ACTL6A: variants seen among roughly 807,000 people sequenced by gnomAD.
ACTL6A encodes the protein actin like 6A, also known as actin-like protein 6A.
A neutral mutation model predicts 59.2 loss-of-function variants in ACTL6A; 5 were observed. The observed-to-expected ratio is 0.08, with a 90% CI of 0.04 to 0.18. The LOEUF is 0.18. Among genes scored for constraint, ACTL6A ranks in the 10% least tolerant of loss-of-function variants. The pLI is 1.00. For synonymous variants in ACTL6A, 154 were observed against 171.8 expected, an observed-to-expected ratio of 0.90 and a Z score of 0.81; for missense variants, 285 against 526.9, an observed-to-expected ratio of 0.54 and a Z score of 4.49.
intron 8 of ACTL6A, among the ~76,000 whole-genome samples, chr3:179,580,085 G>C (rs1278455590): frequency 6.6e-6 from 1 of 152,104 alleles, no homozygotes; most frequent in Non-Finnish European, 1.5e-5. Flanking sequence ...GACAGTTTTT[G>C]CACCTAAAGA....
chr3:179,580,898 G>T lies in ACTL6A; in HGVS notation c.835G>T (p.Ala279Ser). ...TACGGTTTAATATGTTTTCAGAGTG[G>T]CTGCACAGATGCCAACTGTTCATTA... ...VSDSTYDEQV[A>S]AQMPTVHYEF... Residue 279 changes from alanine to serine, a missense_variant, in exon 10 of 14, where the codon GCT (alanine) becomes TCT (serine). Transcript: ENST00000429709. The T allele has an allele frequency of 6.3e-7, 1 of 1,586,450 alleles. No homozygotes were observed. The highest frequency in any genetic ancestry group is 8.5e-7 in the Non-Finnish European group (1 of 1,173,370).
rs1451440654 is a variant in ACTL6A, at chr3:179,563,002, A to G, written c.-91A>G. 67 of 1,536,338 alleles carry G rather than the reference A, an allele frequency of 4.4e-5. No homozygotes were observed. Among genetic ancestry groups the G allele is most frequent in the East Asian group, 1.4e-4 (6 of 42,754 alleles). On this transcript the variant is annotated 5_prime_UTR_variant, in exon 1 of 14. Transcript: ENST00000429709. ...GGTGGCGGTGGAAGTTAAGGGAGTCAGGGGCTATCGCTCCTCGAGACTCGC... is the reference window on the plus strand; with the variant it reads ...GGTGGCGGTGGAAGTTAAGGGAGTCGGGGGCTATCGCTCCTCGAGACTCGC...
At chr3:179,571,308 C>T (rs969786251) in intron 3 of ACTL6A, among the ~76,000 whole-genome samples, 2 of 151,768 alleles carry the variant, frequency 1.3e-5, no homozygotes, top group Non-Finnish European at 2.9e-5. Context: ...ACCTGTAATT[C>T]CAGCTACTTG....
At chr3:179,583,266 G>T (rs1718387544) in intron 11 of ACTL6A, 87 bp from the exon 12 acceptor site, 1 of 1,026,548 alleles carries the variant, frequency 9.7e-7, no homozygotes, top group Non-Finnish European at 1.5e-6. Context: ...GGAAATTGTA[G>T]TAGAGCACAT....
rs796115920 is a variant in ACTL6A, at chr3:179,570,473, G to A, written c.277+232G>A. The A allele has an allele frequency of 4.9e-5, 20 of 404,224 alleles. No homozygotes were observed. The highest frequency in any genetic ancestry group is 4.1e-4 in the African/African-American group (20 of 48,582). The allele number at this position is 404,224 out of a possible 1,614,324, so 25.0% of individuals were successfully genotyped here. On this transcript the variant is annotated intron_variant, in intron 3 of 13. Transcript: ENST00000429709. This position sits in a 1 kb window ranked among gnomAD's most constrained non-coding sequence, Gnocchi z 4.3. ...AATAGATGTATATATACAAATAATG[G>A]TACACTGTGGGATAAGTGGTACAAT...
intron 1 of ACTL6A, 100 bp downstream of exon 1, chr3:179,563,217 T>C: frequency 6.7e-7 from 1 of 1,486,858 alleles, no homozygotes. Flanking sequence ...CCTTCCGGTC[T>C]CCCCCTCTCG....
intron 1 of ACTL6A, among the ~76,000 whole-genome samples, chr3:179,563,552 A>G (rs1162226142): frequency 6.6e-6 from 1 of 152,168 alleles, no homozygotes; most frequent in Non-Finnish European, 1.5e-5. Flanking sequence ...GCGGTTTGCA[A>G]GCGTGGACGG....
At chr3:179,564,648 A>G (rs1425492365) in intron 1 of ACTL6A, among the ~76,000 whole-genome samples, 1 of 152,224 alleles carries the variant, frequency 6.6e-6, no homozygotes, top group Non-Finnish European at 1.5e-5. Context: ...TCTTAAATTA[A>G]AATTCCACCA....
chr3:179,575,392 T>A (rs1333892575), intron 5 of ACTL6A: 1 of 456,736 alleles, frequency 2.2e-6, no homozygotes, highest in South Asian at 1.5e-5. Context: ...CCTGAGCTTT[T>A]CTTTTTACAG....
intron 5 of ACTL6A, chr3:179,575,458 T>C (rs564381880): frequency 2.2e-6 from 1 of 456,744 alleles, no homozygotes; most frequent in East Asian, 6.9e-5. Context: ...AAGGCAGTTT[T>C]GGTGCACCAT....
At chr3:179,577,414 A>G (rs1718199113) in intron 8 of ACTL6A, among the ~76,000 whole-genome samples, 2 of 152,116 alleles carry the variant, frequency 1.3e-5, no homozygotes, top group Admixed American at 1.3e-4. Context: ...CTCTGAACAT[A>G]TGGCTTACTG....
Position 179,578,544 on chromosome 3 carries a change from G to A in ACTL6A, c.768+1631G>A, listed in dbSNP as rs148174335. 1.7e-4 allele frequency among the ~76,000 whole-genome samples: 26 copies of A among 152,266 alleles called. No homozygotes were observed. The East Asian group carries it at 4.4e-3, about 26-fold the overall frequency. Reference sequence around the variant, plus strand: ...GAGGTGGGAGAATCACCTGAGCCCTGTGAGGTCGAGGCTGCAGTGAGCTGT... The same window carrying A: ...GAGGTGGGAGAATCACCTGAGCCCTATGAGGTCGAGGCTGCAGTGAGCTGT... On this transcript the variant is annotated intron_variant, in intron 8 of 13. Coordinates refer to ENST00000429709, the MANE Select transcript of ACTL6A (RefSeq NM_004301.5).
rs1044199401 is a variant in ACTL6A at position 179,563,191 on chromosome 3, C to T, written c.25+74C>T. 551 of 1,539,350 alleles carry T rather than the reference C, an allele frequency of 3.6e-4. 5 individuals are homozygous for T. Among genetic ancestry groups the T allele is most frequent in the Middle Eastern group, 1.4e-3 (7 of 4,876 alleles). On this transcript the variant is annotated intron_variant, in intron 1 of 13. Transcript: ENST00000429709. The stretch of plus-strand genomic sequence containing the variant: ...GTTTGTAACCGCCGCTCCCAGCCCT[C>T]CCCTCCCCGGCGTTCCCTTCCGGTC...
chr3:179,588,048 T>G lies in ACTL6A; in HGVS notation c.*38T>G, dbSNP rs752060094. 5.5e-6 allele frequency: 8 copies of G among 1,461,848 alleles called. No individual in the cohort carries two copies. Among genetic ancestry groups the G allele is most frequent in the Non-Finnish European group, 7.5e-6 (8 of 1,069,506 alleles). 90.6% of individuals were successfully genotyped at this position (1,461,848 alleles called of 1,614,324 possible). On this transcript the variant is annotated 3_prime_UTR_variant, in exon 14 of 14. Coordinates refer to ENST00000429709, the MANE Select transcript of ACTL6A (RefSeq NM_004301.5). ...AAGCTTCTACCTTCCTTTTGTCACC[T>G]TACGTTTCATAGCTTTAGTATACTC...
chr3:179,582,190 C>T (rs367989873), intron 11 of ACTL6A, among the ~76,000 whole-genome samples: 2 of 152,220 alleles, frequency 1.3e-5, no homozygotes, highest in South Asian at 2.1e-4. Flanking sequence ...TTCCACCTTT[C>T]GGGGAAGGTA....
At chr3:179,583,751 C>G in intron 12 of ACTL6A, 1 of 213,370 alleles carries the variant, frequency 4.7e-6, no homozygotes, top group Non-Finnish European at 9.4e-6. Flanking sequence ...ATGACTGTAA[C>G]ATGCTCAACA....
intron 1 of ACTL6A, among the ~76,000 whole-genome samples, chr3:179,564,122 T>A (rs1407583132): frequency 6.6e-6 from 1 of 152,156 alleles, no homozygotes; most frequent in Non-Finnish European, 1.5e-5. Context: ...TCATTCAGAA[T>A]CTACTGATTT....
In ACTL6A at chr3:179,570,006, G is replaced by C; in HGVS notation, c.103-61G>C. On this transcript the variant is annotated intron_variant, in intron 2 of 13. Coordinates refer to ENST00000429709, the MANE Select transcript of ACTL6A (RefSeq NM_004301.5). This position sits in a 1 kb window ranked among gnomAD's most constrained non-coding sequence, Gnocchi z 4.3. ...AAAATATAATAAAATACATTAATTGGGGAAAAAATGCCTTCTTGATGAAAG... is the reference window on the plus strand; with the variant it reads ...AAAATATAATAAAATACATTAATTGCGGAAAAAATGCCTTCTTGATGAAAG... 1 of 1,577,582 alleles carries C rather than the reference G, an allele frequency of 6.3e-7. No individual in the cohort carries two copies. The highest frequency in any genetic ancestry group is 8.6e-7 in the Non-Finnish European group (1 of 1,160,828).
Position 179,588,085 on chromosome 3 carries a change from G to A in ACTL6A, c.*75G>A. The A allele has an allele frequency of 8.9e-7, 1 of 1,129,720 alleles. No homozygotes were observed. The highest frequency in any genetic ancestry group is 1.2e-6 in the Non-Finnish European group (1 of 810,054). 70.0% of individuals were successfully genotyped at this position (1,129,720 alleles called of 1,614,324 possible). A position where few individuals can be genotyped will look rare whatever the true frequency, so the allele number is the denominator to read the frequency against. On this transcript the variant is annotated 3_prime_UTR_variant, in exon 14 of 14. Coordinates refer to ENST00000429709, the MANE Select transcript of ACTL6A (RefSeq NM_004301.5). ...GCTTTAGTATACTCAGGAAAAGAAT[G>A]ACCATCTTTTGTAGAATGTTTATAC...
Sources: allele counts gnomAD v4.1 joint callset (sites outside exome capture counted in the v4.1 genomes callset), GRCh38; gene constraint gnomAD v4.1.1; non-coding constraint Gnocchi (gnomAD v3.1); transcripts MANE v1.5; gene names NCBI Gene and HGNC (gene_info 2026-07-23, HGNC 2026-07-21).